KCND2: variants seen among roughly 807,000 people sequenced by gnomAD.
KCND2 encodes potassium voltage-gated channel subfamily D member 2.
Under a neutral mutation model 54.4 loss-of-function variants are expected in KCND2, and 16 were observed. The ratio of observed to expected loss-of-function variants is 0.29; its 90% CI spans 0.20 to 0.45. The LOEUF (loss-of-function observed/expected upper bound fraction) is 0.45, where lower values mean the gene tolerates loss of function less well. Among genes scored for constraint, KCND2 ranks in the 20% least tolerant of loss-of-function variants. The probability of loss-of-function intolerance (pLI) is 1.00; values close to 1 mark genes in which losing one functional copy is unlikely to be tolerated. For synonymous variants in KCND2, 317 were observed against 310.7 expected, an observed-to-expected ratio of 1.02 and a Z score of -0.21; for missense variants, 486 against 824.2, an observed-to-expected ratio of 0.59 and a Z score of 5.02.
intron 1 of KCND2, among the ~76,000 whole-genome samples, chr7:120,366,457 C>A (rs1800679851): frequency 1.4e-5 from 2 of 142,742 alleles, no homozygotes; most frequent in Non-Finnish European, 3.0e-5. Flanking sequence ...CACTGCACTC[C>A]AGCTTGGGTG....
chr7:120,305,580 A>G (rs1799639898), intron 1 of KCND2, among the ~76,000 whole-genome samples: 2 of 152,136 alleles, frequency 1.3e-5, no homozygotes, highest in Admixed American at 1.3e-4. Flanking sequence ...TTCAAAGCAC[A>G]TTGCTATTTG....
At chr7:120,333,311 T>C (rs1466436419) in intron 1 of KCND2, among the ~76,000 whole-genome samples, 1 of 152,128 alleles carries the variant, frequency 6.6e-6, no homozygotes, top group African/African-American at 2.4e-5. Context: ...GTTATCATAC[T>C]AGAGATTAAT....
intron 1 of KCND2, among the ~76,000 whole-genome samples, chr7:120,303,719 G>C (rs1048345157): frequency 1.3e-5 from 2 of 152,090 alleles, no homozygotes; most frequent in Non-Finnish European, 2.9e-5. Context: ...CCTTATGTGG[G>C]TGAAAGAGAG....
intron 1 of KCND2, among the ~76,000 whole-genome samples, chr7:120,304,707 TCTTTA>T (rs1467833368): frequency 6.6e-6 from 1 of 152,228 alleles, no homozygotes. Context: ...TCTTTCTACA[TCTTTA>T]CTTCTCTCTC....
intron 1 of KCND2, among the ~76,000 whole-genome samples, chr7:120,680,563 A>G (rs1188434399): frequency 1.3e-5 from 2 of 152,126 alleles, no homozygotes; most frequent in African/African-American, 4.8e-5. Flanking sequence ...ATCAGATGTC[A>G]TGTTAGCGAG....
At chr7:120,744,180 T>G (rs1792976917) in intron 4 of KCND2, among the ~76,000 whole-genome samples, 1 of 152,090 alleles carries the variant, frequency 6.6e-6, no homozygotes, top group African/African-American at 2.4e-5. Context: ...GAGAATTGCT[T>G]GAACCCAGGA....
intron 1 of KCND2, among the ~76,000 whole-genome samples, chr7:120,656,949 C>T (rs1044668653): frequency 6.6e-6 from 1 of 152,158 alleles, no homozygotes; most frequent in African/African-American, 2.4e-5. Flanking sequence ...CCAGCTGAGA[C>T]TGTATGAGGC....
chr7:120,374,822 T>TCACC (rs1191122362), intron 1 of KCND2, among the ~76,000 whole-genome samples: 1 of 151,904 alleles, frequency 6.6e-6, no homozygotes, highest in Admixed American at 6.6e-5. Flanking sequence ...ATCTTTCCCT[T>TCACC]CACCCACGCT....
At chr7:120,675,210 T>C (rs1792044896) in intron 1 of KCND2, among the ~76,000 whole-genome samples, 1 of 152,014 alleles carries the variant, frequency 6.6e-6, no homozygotes, top group Non-Finnish European at 1.5e-5. Flanking sequence ...TATCATTCTT[T>C]ATTGAGTTTC....
intron 1 of KCND2, among the ~76,000 whole-genome samples, chr7:120,451,350 G>A (rs1244479662): frequency 6.6e-6 from 1 of 152,076 alleles, no homozygotes; most frequent in Admixed American, 6.6e-5. Context: ...GACAGAGTAG[G>A]GCTTTTGAGT....
chr7:120,652,532 T>C (rs775689011), intron 1 of KCND2, among the ~76,000 whole-genome samples: 5 of 152,188 alleles, frequency 3.3e-5, no homozygotes, highest in Admixed American at 1.3e-4. Context: ...AAATGACACA[T>C]TGTTAACTCA....
At chr7:120,348,007 G>A (rs1158062052) in intron 1 of KCND2, among the ~76,000 whole-genome samples, 1 of 152,006 alleles carries the variant, frequency 6.6e-6, no homozygotes, top group South Asian at 2.1e-4. Context: ...TCAGGAAGGC[G>A]CTAAACTCAT....
intron 1 of KCND2, among the ~76,000 whole-genome samples, chr7:120,487,572 G>A (rs941489978): frequency 1.3e-5 from 2 of 152,148 alleles, no homozygotes; most frequent in African/African-American, 2.4e-5. Flanking sequence ...CTGAGGTTGG[G>A]TGAGATCTCT....
intron 1 of KCND2, among the ~76,000 whole-genome samples, chr7:120,485,936 T>C (rs1802687257): frequency 6.6e-6 from 1 of 152,226 alleles, no homozygotes; most frequent in Non-Finnish European, 1.5e-5. Context: ...AATAAATGCA[T>C]GAACAGGTCT....
intron 1 of KCND2, among the ~76,000 whole-genome samples, chr7:120,422,161 G>A (rs904013423): frequency 8.5e-5 from 13 of 152,164 alleles, no homozygotes; most frequent in Non-Finnish European, 1.5e-4. Flanking sequence ...GCCAAAATCT[G>A]TACCTGCTTT....
At chr7:120,422,456 G>A (rs1801639396) in intron 1 of KCND2, among the ~76,000 whole-genome samples, 2 of 152,174 alleles carry the variant, frequency 1.3e-5, no homozygotes, top group African/African-American at 4.8e-5. Context: ...ACCCTCAAGT[G>A]GAATGGTGGT....
At position 120,380,744 on chromosome 7, in the gene KCND2, G is replaced by A. The variant is rs185940241; in HGVS notation, c.1115+104997G>A. Among the ~76,000 whole-genome samples, 95 of 151,728 alleles carry A rather than the reference G, an allele frequency of 6.3e-4. 1 individual carries two copies. The highest frequency in any genetic ancestry group is 9.9e-4 in the Non-Finnish European group (67 of 67,892). Reference sequence around the variant, plus strand: ...TCAGAGAAAAATCATTGACCATATCGTAAAAAAAAGATAGGTGTAAGTTGT... The same window carrying A: ...TCAGAGAAAAATCATTGACCATATCATAAAAAAAAGATAGGTGTAAGTTGT... On this transcript the variant is annotated intron_variant, in intron 1 of 5. Coordinates refer to ENST00000331113, the MANE Select transcript of KCND2 (RefSeq NM_012281.3).
intron 2 of KCND2, among the ~76,000 whole-genome samples, chr7:120,735,930 TA>T (rs1162511008): frequency 1.3e-5 from 2 of 151,882 alleles, no homozygotes; most frequent in African/African-American, 4.8e-5. Context: ...CCCAAGAGAT[TA>T]GGGGGAAAAA....
intron 1 of KCND2, among the ~76,000 whole-genome samples, chr7:120,565,769 A>G (rs1051387314): frequency 1.3e-5 from 2 of 152,232 alleles, no homozygotes; most frequent in African/African-American, 4.8e-5. Flanking sequence ...TGCAGAGGAT[A>G]TACCTGAGAA....
Sources: allele counts gnomAD v4.1 joint callset (sites outside exome capture counted in the v4.1 genomes callset), GRCh38; gene constraint gnomAD v4.1.1; transcripts MANE v1.5; gene names NCBI Gene and HGNC (gene_info 2026-07-23, HGNC 2026-07-21).